Variants in ZFHX3 observed in about 807,000 individuals in gnomAD.
The protein encoded by ZFHX3 is zinc finger homeobox protein 3.
ZFHX3 carries 42 observed loss-of-function variants against 279.1 expected under a neutral mutation model. That is an observed-to-expected ratio of 0.15 (90% CI 0.12 to 0.19). The LOEUF (loss-of-function observed/expected upper bound fraction) is 0.19, where lower values mean the gene tolerates loss of function less well. Ranked by LOEUF, ZFHX3 falls within the 10% of genes least tolerant of loss-of-function variation. The pLI is 1.00. For missense variants in ZFHX3, 4,981 were observed against 4,754.0 expected, an observed-to-expected ratio of 1.05 and a Z score of -1.40; for synonymous variants, 2,293 against 1,957.8, an observed-to-expected ratio of 1.17 and a Z score of -4.52.
rs931562133 is a variant in ZFHX3 at position 72,785,280 on chromosome 16, T to C, written c.*1884A>G. The C allele has an allele frequency of 5.9e-5, 9 of 152,674 alleles. No individual in the cohort carries two copies. Among genetic ancestry groups the C allele is most frequent in the Admixed American group, 5.2e-4 (8 of 15,284 alleles). The allele number at this position is 152,674 out of a possible 1,614,324, so 9.5% of individuals were successfully genotyped here. A position where few individuals can be genotyped will look rare whatever the true frequency, so the allele number is the denominator to read the frequency against. ...GTGTGTGTTAACAGGAATATGGATA[T>C]TAACAGAAACAAGTGCCTCACATAC... is the stretch of plus-strand genomic sequence containing the variant. On this transcript the variant is annotated 3_prime_UTR_variant, in exon 10 of 10. Coordinates refer to ENST00000268489, the MANE Select transcript of ZFHX3 (RefSeq NM_006885.4).
chr16:73,478,071 G>T (rs976509102), intron 2 of ZFHX3, among the ~76,000 whole-genome samples: 1 of 152,044 alleles, frequency 6.6e-6, no homozygotes, highest in East Asian at 1.9e-4. Context: ...AAGAGATCGA[G>T]AACATCCTGG....
intron 3 of ZFHX3, among the ~76,000 whole-genome samples, chr16:73,425,585 G>C (rs1038792212): frequency 6.6e-5 from 10 of 152,098 alleles, no homozygotes; most frequent in African/African-American, 2.4e-4. Flanking sequence ...GAGTTAATGG[G>C]TTTGATGGCT....
intron 7 of ZFHX3, among the ~76,000 whole-genome samples, chr16:73,126,249 G>A (rs1005775363): frequency 2.0e-5 from 3 of 152,272 alleles, no homozygotes; most frequent in Middle Eastern, 3.4e-3. Context: ...AAATTTATCC[G>A]TGTGCAAGGC....
chr16:73,078,195 T>C lies in ZFHX3; in HGVS notation c.-533+15040A>G, dbSNP rs75976304. 7.2e-3 allele frequency among the ~76,000 whole-genome samples: 1,093 copies of C among 152,364 alleles called. 19 individuals are homozygous for C. The highest frequency in any genetic ancestry group is 0.025 in the African/African-American group (1,056 of 41,584). ...AAAGTATGAAAAACCTCATTGTTTA[T>C]TTGTCTTAAGACAAATTACAGTGGC... On this transcript the variant is annotated intron_variant, in intron 8 of 17. Coordinates refer to the ZFHX3 transcript ENST00000641206.
chr16:73,759,037 CT>C (rs1313828233), intron 1 of ZFHX3, among the ~76,000 whole-genome samples: 2 of 152,210 alleles, frequency 1.3e-5, no homozygotes, highest in Non-Finnish European at 2.9e-5. Context: ...GTGCTTTCCC[CT>C]GATGCCATTG....
intron 1 of ZFHX3, among the ~76,000 whole-genome samples, chr16:72,976,317 T>C (rs762867540): frequency 6.6e-6 from 1 of 152,188 alleles, no homozygotes; most frequent in Non-Finnish European, 1.5e-5. Context: ...CATGGTAAGA[T>C]TCGGGGAATC....
At chr16:73,154,133 A>G (rs1967015322) in intron 5 of ZFHX3, among the ~76,000 whole-genome samples, 1 of 152,212 alleles carries the variant, frequency 6.6e-6, no homozygotes, top group African/African-American at 2.4e-5. Flanking sequence ...AGATGGACTC[A>G]GTGATTGTCT....
intron 2 of ZFHX3, among the ~76,000 whole-genome samples, chr16:73,534,843 T>A (rs1213959173): frequency 1.3e-5 from 2 of 152,308 alleles, no homozygotes; most frequent in Non-Finnish European, 2.9e-5. Context: ...TCTTTGTACA[T>A]AAGGAAACCT....
intron 2 of ZFHX3, among the ~76,000 whole-genome samples, chr16:73,648,010 G>C (rs1428746560): frequency 6.6e-6 from 1 of 152,022 alleles, no homozygotes; most frequent in Non-Finnish European, 1.5e-5. Context: ...AATATTAAAC[G>C]TCAAAAAGTG....
At chr16:73,798,697 T>A (rs1018356454) in intron 1 of ZFHX3, among the ~76,000 whole-genome samples, 2 of 152,138 alleles carry the variant, frequency 1.3e-5, no homozygotes, top group South Asian at 2.1e-4. Context: ...CAGAAGGACG[T>A]CAAGACCATT....
chr16:73,519,934 T>C (rs1019832824), intron 2 of ZFHX3, among the ~76,000 whole-genome samples: 10 of 152,198 alleles, frequency 6.6e-5, no homozygotes, highest in African/African-American at 2.2e-4. Flanking sequence ...GCAGTGTAAT[T>C]GGAGTGAAGA....
intron 2 of ZFHX3, among the ~76,000 whole-genome samples, chr16:73,519,365 T>G (rs1352139132): frequency 6.6e-6 from 1 of 152,236 alleles, no homozygotes; most frequent in Non-Finnish European, 1.5e-5. Context: ...AAAATGTTTT[T>G]CTACATATCT....
intron 4 of ZFHX3, among the ~76,000 whole-genome samples, chr16:72,841,241 TC>T: frequency 6.6e-6 from 1 of 152,166 alleles, no homozygotes; most frequent in African/African-American, 2.4e-5. Flanking sequence ...AACCATCCAG[TC>T]CCCAAGCATG....
intron 2 of ZFHX3, among the ~76,000 whole-genome samples, chr16:73,465,301 T>G (rs1186629325): frequency 6.6e-6 from 1 of 152,220 alleles, no homozygotes; most frequent in African/African-American, 2.4e-5. Context: ...ATGGAGGGTC[T>G]GAGGGCTAAG....
chr16:73,688,739 C>T (rs1410651056), intron 1 of ZFHX3, among the ~76,000 whole-genome samples: 1 of 152,182 alleles, frequency 6.6e-6, no homozygotes, highest in Non-Finnish European at 1.5e-5. Flanking sequence ...TTGCAGCCCC[C>T]ATAATTCCCA....
chr16:73,180,049 T>G (rs1967758060), intron 5 of ZFHX3, among the ~76,000 whole-genome samples: 1 of 152,134 alleles, frequency 6.6e-6, no homozygotes, highest in African/African-American at 2.4e-5. Context: ...TCAAGGGAGA[T>G]ATTTACTGAT....
chr16:73,532,243 T>C (rs546410761), intron 2 of ZFHX3, among the ~76,000 whole-genome samples: 5 of 152,256 alleles, frequency 3.3e-5, no homozygotes, highest in African/African-American at 9.6e-5. Flanking sequence ...TGGGGGTGGT[T>C]CTCCCATACT....
In ZFHX3 at chr16:72,794,999, G is replaced by C; in HGVS notation, c.7683C>G (p.Ile2561Met). 1 of 1,614,192 alleles carries C rather than the reference G, an allele frequency of 6.2e-7. No homozygotes were observed. The highest frequency in any genetic ancestry group is 8.5e-7 in the Non-Finnish European group (1 of 1,180,044). The stretch of plus-strand genomic sequence containing the variant: ...GGGACCTGTCCAAAAACTGGGGGTG[G>C]ATGAACTGGTTCTGCGCGCTCAGGA... ...LHFLSAQNQF[I>M]HPQFLDRSLD... The change falls in exon 9 of 10, where the codon ATC (isoleucine) becomes ATG (methionine). Residue 2561 changes from isoleucine to methionine, a missense_variant. By Grantham distance (10) the Ile-to-Met change is conservative. Transcript: ENST00000268489. This position sits in a 1 kb window ranked among gnomAD's most constrained non-coding sequence, Gnocchi z 4.2.
At chr16:73,389,172 C>G (rs753888391) in intron 3 of ZFHX3, 1 of 152,244 alleles carries the variant, frequency 6.6e-6, no homozygotes, top group Non-Finnish European at 1.5e-5. Flanking sequence ...CCAGCATCCT[C>G]CAAAGCAGGC....
Sources: gnomAD v4.1 joint callset for allele counts (sites outside exome capture counted in the v4.1 genomes callset) on GRCh38, gnomAD v4.1.1 for gene constraint, Gnocchi (gnomAD v3.1) non-coding constraint, MANE v1.5 for transcripts, NCBI Gene and HGNC (gene_info 2026-07-23, HGNC 2026-07-21) for gene names.